The following AMTN variants were observed in gnomAD, a reference collection of about 807,000 sequenced individuals.
AMTN encodes amelotin, also known as RSTI689.
A neutral mutation model predicts 27.4 loss-of-function variants in AMTN; 29 were observed. That is an observed-to-expected ratio of 1.06 (90% CI 0.79 to 1.44). The LOEUF (loss-of-function observed/expected upper bound fraction) is 1.44. AMTN is among the 40% of genes most tolerant of loss of function. AMTN has a pLI of 0.00. For missense variants in AMTN, 247 were observed against 248.8 expected (o/e 0.99, Z 0.05); for synonymous variants, 86 against 95.7 (o/e 0.90, Z 0.59).
rs560550744 is a variant in AMTN, at chr4:70,526,679, C to T, written c.294+1718C>T. Among the ~76,000 whole-genome samples the T allele has an allele frequency of 5.3e-5, 8 of 152,304 alleles. No homozygotes were observed. In the South Asian group the frequency reaches 1.7e-3, roughly 32 times the overall value. ...AGTCTCCATTGTTGCCCTCCTCTAA[C>T]CTTGAAGGTAGACTTACTGCATCTT... is the stretch of plus-strand genomic sequence containing the variant. On this transcript the variant is annotated intron_variant, in intron 5 of 8. Transcript: ENST00000339336.
At chr4:70,522,914 C>A in intron 3 of AMTN, 76 bp downstream of exon 3, 1 of 1,375,330 alleles carries the variant, frequency 7.3e-7, no homozygotes, top group Non-Finnish European at 1.0e-6. Context: ...GTAAAGAAAA[C>A]ACGTTAAGAC....
At chr4:70,528,598 C>A in intron 5 of AMTN, 125 bp from the exon 6 acceptor site, 2 of 716,878 alleles carry the variant, frequency 2.8e-6, no homozygotes, top group Non-Finnish European at 4.6e-6. Context: ...TGCAGTGAGC[C>A]AAGACCATGC....
At chr4:70,519,228 A>C (rs1057455259) in intron 2 of AMTN, among the ~76,000 whole-genome samples, 7 of 152,338 alleles carry the variant, frequency 4.6e-5, no homozygotes, top group Admixed American at 3.3e-4. Flanking sequence ...GAAATGCTAA[A>C]TATCTAGATT....
rs1736041192 is a variant in AMTN at position 70,524,014 on chromosome 4, A to G, written c.204+81A>G. On this transcript the variant is annotated intron_variant, in intron 4 of 8. Transcript: ENST00000339336. ...ATATTACAGTGGGGGGAGCATGTAT[A>G]TGGGTGCGTATATCCACAAATGAAA... is the stretch of plus-strand genomic sequence containing the variant. 3 of 1,128,520 alleles carry G rather than the reference A, an allele frequency of 2.7e-6. No homozygotes were observed. The African/African-American group carries it at 4.6e-5, about 17-fold the overall frequency. 69.9% of individuals were successfully genotyped at this position (1,128,520 alleles called of 1,614,324 possible).
At chr4:70,530,714 A>T (rs1028885877) in intron 7 of AMTN, among the ~76,000 whole-genome samples, 1 of 152,252 alleles carries the variant, frequency 6.6e-6, no homozygotes, top group African/African-American at 2.4e-5. Flanking sequence ...AGCCATCAGG[A>T]TTAATCTACT....
chr4:70,519,318 C>A (rs1735896471), intron 2 of AMTN, among the ~76,000 whole-genome samples: 1 of 151,988 alleles, frequency 6.6e-6, no homozygotes, highest in South Asian at 2.1e-4. Flanking sequence ...TGACTTAGAA[C>A]ATTAAATCAT....
chr4:70,531,309 T>C lies in AMTN; in HGVS notation c.619+9T>C. ...CACAGAATCAGCAAATGGTAAATTC[T>C]CCTAGCTTGGAACATGCTTCTTGGC... On this transcript the variant is annotated intron_variant, in intron 8 of 8. Transcript: ENST00000339336. 1 of 1,613,182 alleles carries C rather than the reference T, an allele frequency of 6.2e-7. No homozygotes were observed.
At chr4:70,525,176 C>G (rs559036704) in intron 5 of AMTN, among the ~76,000 whole-genome samples, 1 of 152,238 alleles carries the variant, frequency 6.6e-6, no homozygotes, top group Non-Finnish European at 1.5e-5. Context: ...CTCACAACTT[C>G]TCTAGAATAT....
intron 7 of AMTN, among the ~76,000 whole-genome samples, chr4:70,530,139 AT>A (rs36180248): frequency 6.6e-6 from 1 of 152,278 alleles, no homozygotes; most frequent in East Asian, 1.9e-4. Flanking sequence ...ATCCAATGCC[AT>A]TTTTTAACCT....
chr4:70,519,868 G>A (rs867356029), intron 2 of AMTN, among the ~76,000 whole-genome samples: 10 of 151,834 alleles, frequency 6.6e-5, no homozygotes, highest in Admixed American at 3.3e-4. Context: ...AGCAAGATAC[G>A]GTAGCCAACC....
At chr4:70,521,025 T>C (rs1735943500) in intron 2 of AMTN, among the ~76,000 whole-genome samples, 1 of 152,082 alleles carries the variant, frequency 6.6e-6, no homozygotes. Flanking sequence ...ATCAGAGAGC[T>C]ACTGGGGGCC....
Position 70,524,941 on chromosome 4 carries a change from C to A in AMTN, c.274C>A (p.Gln92Lys). The A allele has an allele frequency of 6.2e-7, 1 of 1,614,016 alleles. No individual in the cohort carries two copies. Among genetic ancestry groups the A allele is most frequent in the Non-Finnish European group, 8.5e-7 (1 of 1,179,922 alleles). ...ATTGACCCTGGGAGGGTTGAATGTACAACAGCAACTGCACCCACATGTAAG... is the reference window on the plus strand; with the variant it reads ...ATTGACCCTGGGAGGGTTGAATGTAAAACAGCAACTGCACCCACATGTAAG... ...HPLTLGGLNV[Q>K]QQLHPHVLPI... Residue 92 changes from glutamine to lysine, a missense_variant, in exon 5 of 9, where the codon CAA becomes AAA. Gln to Lys is a moderately conservative substitution (Grantham distance 53). Transcript: ENST00000339336.
At chr4:70,526,753 G>A (rs139126334) in intron 5 of AMTN, among the ~76,000 whole-genome samples, 1 of 152,222 alleles carries the variant, frequency 6.6e-6, no homozygotes, top group East Asian at 1.9e-4. Context: ...AGTGGAGCCT[G>A]GAGATGTTAC....
chr4:70,523,998 T>C, intron 4 of AMTN, 65 bp downstream of exon 4: 2 of 1,370,616 alleles, frequency 1.5e-6, no homozygotes, highest in South Asian at 1.2e-5. Context: ...AATATTACAG[T>C]GGGGGGAGCA....
chr4:70,522,673 T>C (rs1216403205), intron 2 of AMTN, 82 bp from the exon 3 acceptor site: 23 of 1,306,002 alleles, frequency 1.8e-5, no homozygotes, highest in South Asian at 2.4e-5. Context: ...CATGTTTGCA[T>C]TGGTGGCAAC....
chr4:70,529,047 C>T, intron 6 of AMTN, 137 bp from the exon 7 acceptor site: 1 of 737,172 alleles, frequency 1.4e-6, no homozygotes, highest in African/African-American at 1.8e-5. Flanking sequence ...GATCATAAGG[C>T]AGTTTAACAT....
At chr4:70,522,272 TA>T (rs1416696319) in intron 2 of AMTN, among the ~76,000 whole-genome samples, 1 of 152,126 alleles carries the variant, frequency 6.6e-6, no homozygotes, top group African/African-American at 2.4e-5. Context: ...TGATTTTTAA[TA>T]CACTAATAAA....
intron 2 of AMTN, among the ~76,000 whole-genome samples, chr4:70,521,640 C>CTCTCTTTTTT (rs1560572110): frequency 2.6e-5 from 2 of 76,488 alleles, no homozygotes; most frequent in Middle Eastern, 8.8e-3. Context: ...ACCAACCTCT[C>CTCTCTTTTTT]TTTTTTTTTT....
intron 6 of AMTN, 73 bp downstream of exon 6, chr4:70,528,831 C>T (rs1271693375): frequency 7.7e-7 from 1 of 1,304,440 alleles, no homozygotes; most frequent in Non-Finnish European, 1.1e-6. Flanking sequence ...TTCCTCAATT[C>T]ACTAGATAGT....
Sources: allele counts gnomAD v4.1 joint callset (sites outside exome capture counted in the v4.1 genomes callset), GRCh38; gene constraint gnomAD v4.1.1; transcripts MANE v1.5; gene names NCBI Gene and HGNC (gene_info 2026-07-23, HGNC 2026-07-21).